The following ADAMTS12 variants were observed in gnomAD, a reference collection of about 807,000 sequenced individuals.
ADAMTS12 encodes the protein ADAM metallopeptidase with thrombospondin type 1 motif 12.
In ADAMTS12, 118 loss-of-function variants were observed where a neutral mutation model predicts 167.8. The observed-to-expected ratio is 0.70, with a 90% CI of 0.61 to 0.82. The LOEUF (loss-of-function observed/expected upper bound fraction) is 0.82. ADAMTS12 is among the 40% of genes least tolerant of loss of function. ADAMTS12 has a pLI of 0.00. For missense variants in ADAMTS12, 1,916 were observed against 1,998.8 expected, an observed-to-expected ratio of 0.96 and a Z score of 0.79; for synonymous variants, 704 against 716.9, an observed-to-expected ratio of 0.98 and a Z score of 0.29.
chr5:33,702,472 T>C (rs1743038036), intron 3 of ADAMTS12, among the ~76,000 whole-genome samples: 2 of 152,216 alleles, frequency 1.3e-5, no homozygotes, highest in Non-Finnish European at 1.5e-5. Flanking sequence ...CATAGTGGTG[T>C]AGACAGGAGT....
chr5:33,848,836 T>C (rs1749050029), intron 2 of ADAMTS12, among the ~76,000 whole-genome samples: 2 of 152,112 alleles, frequency 1.3e-5, no homozygotes, highest in African/African-American at 4.8e-5. Flanking sequence ...AGAACGTAGA[T>C]TATTAGCTTA....
At chr5:33,728,935 C>T (rs1233193860) in intron 3 of ADAMTS12, among the ~76,000 whole-genome samples, 2 of 152,132 alleles carry the variant, frequency 1.3e-5, no homozygotes, top group Non-Finnish European at 2.9e-5. Context: ...TGTATATGTA[C>T]ATGATATATC....
intron 21 of ADAMTS12, among the ~76,000 whole-genome samples, chr5:33,547,654 C>T (rs1240773834): frequency 6.6e-6 from 1 of 152,038 alleles, no homozygotes; most frequent in Non-Finnish European, 1.5e-5. Context: ...GTGGTTTGCT[C>T]AAAACAGGGC....
At chr5:33,600,956 T>C (rs1017157852) in intron 16 of ADAMTS12, among the ~76,000 whole-genome samples, 1 of 152,130 alleles carries the variant, frequency 6.6e-6, no homozygotes, top group African/African-American at 2.4e-5. Flanking sequence ...CACTTTAGGT[T>C]CCCACTAAAT....
At chr5:33,594,081 G>A (rs1217798628) in intron 17 of ADAMTS12, among the ~76,000 whole-genome samples, 1 of 152,184 alleles carries the variant, frequency 6.6e-6, no homozygotes, top group Non-Finnish European at 1.5e-5. Context: ...AGCTTGAATT[G>A]TAGCTCCCAT....
At chr5:33,824,684 G>A (rs1472359238) in intron 2 of ADAMTS12, among the ~76,000 whole-genome samples, 1 of 152,180 alleles carries the variant, frequency 6.6e-6, no homozygotes, top group Non-Finnish European at 1.5e-5. Context: ...AGGAGTACAA[G>A]TGAGGAAGAA....
At chr5:33,875,637 C>G (rs1418941270) in intron 2 of ADAMTS12, among the ~76,000 whole-genome samples, 1 of 152,154 alleles carries the variant, frequency 6.6e-6, no homozygotes, top group Non-Finnish European at 1.5e-5. Context: ...AAAAAGCTCT[C>G]AGAAAACTTC....
intron 2 of ADAMTS12, among the ~76,000 whole-genome samples, chr5:33,767,339 A>G (rs1272271643): frequency 6.6e-6 from 1 of 152,122 alleles, no homozygotes; most frequent in Non-Finnish European, 1.5e-5. Context: ...TCAGATATAT[A>G]TTTCTTTTAT....
At chr5:33,587,717 G>T (rs771275691) in intron 18 of ADAMTS12, among the ~76,000 whole-genome samples, 1 of 152,190 alleles carries the variant, frequency 6.6e-6, no homozygotes, top group Non-Finnish European at 1.5e-5. Flanking sequence ...CTCCTAAAGT[G>T]CTGGGATTAC....
In ADAMTS12 at chr5:33,710,765, G is replaced by A. The variant is rs373218650; in HGVS notation, c.635-26710C>T. Reference sequence around the variant, plus strand: ...TCTAGAAGCATCACTTTGAGGGTGTGCCATTTAAGTTGAGACCTCAGTGAC... The same window carrying A: ...TCTAGAAGCATCACTTTGAGGGTGTACCATTTAAGTTGAGACCTCAGTGAC... On this transcript the variant is annotated intron_variant, in intron 3 of 23. Transcript: ENST00000504830. Among the ~76,000 whole-genome samples the A allele has an allele frequency of 1.4e-3, 220 of 152,176 alleles. 4 individuals carry two copies. The South Asian group carries it at 0.045, about 31-fold the overall frequency.
chr5:33,836,872 G>A (rs1561299350), intron 2 of ADAMTS12, among the ~76,000 whole-genome samples: 1 of 152,176 alleles, frequency 6.6e-6, no homozygotes. Flanking sequence ...GTCAGAGGCT[G>A]CAGAGAGAGG....
At chr5:33,638,214 T>C (rs577355031) in intron 11 of ADAMTS12, among the ~76,000 whole-genome samples, 7 of 152,318 alleles carry the variant, frequency 4.6e-5, no homozygotes, top group African/African-American at 1.4e-4. Context: ...TCCATTCCTA[T>C]CTCTACTTTT....
rs58073487 is a variant in ADAMTS12 at position 33,779,184 on chromosome 5, AT to A, written c.490-27637del. On this transcript the variant is annotated intron_variant, in intron 2 of 23. Coordinates refer to ENST00000504830, the MANE Select transcript of ADAMTS12 (RefSeq NM_030955.4). ...TATATCCAAAGGAACTGAAATTAGT[AT>A]TTTTTTTTTTTTTTTTTTGAGACGA... Among the ~76,000 whole-genome samples the A allele has an allele frequency of 6.7e-3, 911 of 135,490 alleles. 5 individuals carry two copies. Among genetic ancestry groups the A allele is most frequent in the South Asian group, 0.024 (101 of 4,254 alleles). 88.9% of individuals were successfully genotyped at this position (135,490 alleles called of 152,430 possible). A position where few individuals can be genotyped will look rare whatever the true frequency, so the allele number is the denominator to read the frequency against.
At chr5:33,779,820 G>A (rs1252912611) in intron 2 of ADAMTS12, among the ~76,000 whole-genome samples, 1 of 152,162 alleles carries the variant, frequency 6.6e-6, no homozygotes, top group East Asian at 1.9e-4. Flanking sequence ...TGGAGGATGA[G>A]GGCCATGAAG....
At chr5:33,654,500 T>C (rs576547668) in intron 7 of ADAMTS12, among the ~76,000 whole-genome samples, 21 of 152,306 alleles carry the variant, frequency 1.4e-4, no homozygotes, top group African/African-American at 5.1e-4. Flanking sequence ...ACCTGAGTTG[T>C]CAAAGGGATG....
rs751881807 is a variant in ADAMTS12 at position 33,527,137 on chromosome 5, T to A, written c.*51A>T. 5.0e-6 allele frequency: 8 copies of A among 1,602,790 alleles called. No homozygotes were observed. On this transcript the variant is annotated 3_prime_UTR_variant, in exon 24 of 24. Coordinates refer to ENST00000504830, the MANE Select transcript of ADAMTS12 (RefSeq NM_030955.4). ...AAGCAGCTCCCAGGGCTAAAGCATG[T>A]CATGGTCAGCAGGCTGCTGCAGTCT...
At chr5:33,621,217 G>A (rs964707662) in intron 14 of ADAMTS12, among the ~76,000 whole-genome samples, 1 of 151,882 alleles carries the variant, frequency 6.6e-6, no homozygotes, top group Non-Finnish European at 1.5e-5. Flanking sequence ...GGCCAATATG[G>A]TGAAACTCCA....
chr5:33,775,696 C>T (rs1745889191), intron 2 of ADAMTS12, among the ~76,000 whole-genome samples: 4 of 152,192 alleles, frequency 2.6e-5, no homozygotes, highest in Non-Finnish European at 4.4e-5. Flanking sequence ...GAGGGTAGGA[C>T]AGCTCCACAT....
intron 3 of ADAMTS12, among the ~76,000 whole-genome samples, chr5:33,727,728 G>A (rs952202086): frequency 1.3e-5 from 2 of 152,154 alleles, no homozygotes; most frequent in Admixed American, 6.5e-5. Context: ...AACGATTAGC[G>A]CTGGTTGATT....
Sources: gnomAD v4.1 joint callset for allele counts (sites outside exome capture counted in the v4.1 genomes callset) on GRCh38, gnomAD v4.1.1 for gene constraint, MANE v1.5 for transcripts, NCBI Gene and HGNC (gene_info 2026-07-23, HGNC 2026-07-21) for gene names.